HIPK3: variants seen among roughly 807,000 people sequenced by gnomAD.
HIPK3 encodes homeodomain interacting protein kinase 3.
Under a neutral mutation model 124.2 loss-of-function variants are expected in HIPK3, and 47 were observed. The observed-to-expected ratio is 0.38, with a 90% confidence interval of 0.30 to 0.48. The LOEUF is 0.48. HIPK3 is among the 20% of genes least tolerant of loss of function. The pLI is 0.98. For missense variants in HIPK3, 1,286 were observed against 1,454.3 expected (o/e 0.88, Z 1.88); for synonymous variants, 482 against 515.2 (o/e 0.94, Z 0.87).
intron 2 of HIPK3, among the ~76,000 whole-genome samples, chr11:33,316,428 C>A (rs1190731745): frequency 6.6e-6 from 1 of 152,200 alleles, no homozygotes; most frequent in Admixed American, 6.5e-5. Context: ...AAAGAGTCTC[C>A]TTTATGGTAT....
At chr11:33,290,411 T>G (rs896265457) in intron 2 of HIPK3, among the ~76,000 whole-genome samples, 1 of 151,848 alleles carries the variant, frequency 6.6e-6, no homozygotes, top group Admixed American at 6.6e-5. Context: ...AGAATAGTAG[T>G]TTTTGTTTTT....
chr11:33,338,458 T>A (rs1940740705), intron 4 of HIPK3, among the ~76,000 whole-genome samples: 6 of 152,176 alleles, frequency 3.9e-5, no homozygotes. Flanking sequence ...GGTCTCGATC[T>A]CTTGACCTCG....
intron 2 of HIPK3, among the ~76,000 whole-genome samples, chr11:33,294,604 A>AT (rs150040759): frequency 0.22 from 32,673 of 151,376 alleles, 4,136 homozygotes; most frequent in East Asian, 0.37. Flanking sequence ...TGTTTAAACT[A>AT]TTTTTTTTTC....
intron 1 of HIPK3, chr11:33,258,569 C>G: frequency 1.0e-6 from 1 of 985,452 alleles, no homozygotes; most frequent in Non-Finnish European, 1.2e-6. Flanking sequence ...GGGCTGTTGC[C>G]GGCTTCTCTC....
In HIPK3 at chr11:33,328,565, T is replaced by C. The variant is rs764918054; in HGVS notation, c.1153T>C (p.Leu385=). ...TTGTGAAGCCATAGACATGTGGTCATTGGGATGTGTGATTGCAGAATTATT... is the reference window on the plus strand; with the variant it reads ...TTGTGAAGCCATAGACATGTGGTCACTGGGATGTGTGATTGCAGAATTATT... ...PFCEAIDMWS[L]GCVIAELFLG... The change falls in exon 3 of 17, where the codon TTG becomes CTG. Residue 385 remains leucine, a synonymous_variant. Coordinates refer to ENST00000303296, the MANE Select transcript of HIPK3 (RefSeq NM_005734.5). 6.8e-6 allele frequency: 11 copies of C among 1,613,148 alleles called. No homozygotes were observed. Among genetic ancestry groups the C allele is most frequent in the Admixed American group, 6.7e-5 (4 of 59,990 alleles).
At chr11:33,324,220 A>G (rs1482196260) in intron 2 of HIPK3, among the ~76,000 whole-genome samples, 1 of 152,194 alleles carries the variant, frequency 6.6e-6, no homozygotes, top group Non-Finnish European at 1.5e-5. Flanking sequence ...AGACGGATGT[A>G]TTCTTTCAAT....
intron 3 of HIPK3, among the ~76,000 whole-genome samples, chr11:33,332,146 A>C (rs544000030): frequency 3.9e-5 from 6 of 152,344 alleles, no homozygotes; most frequent in South Asian, 4.1e-4. Context: ...TTTGTGTTCT[A>C]GCCCTTTAAT....
chr11:33,266,105 A>G (rs1165216899), intron 1 of HIPK3, among the ~76,000 whole-genome samples: 1 of 150,464 alleles, frequency 6.6e-6, no homozygotes, highest in Non-Finnish European at 1.5e-5. Flanking sequence ...TCTAGTATAT[A>G]TTTGAACGTC....
chr11:33,309,938 T>A (rs1852272547), intron 2 of HIPK3, among the ~76,000 whole-genome samples: 4 of 152,238 alleles, frequency 2.6e-5, no homozygotes. Flanking sequence ...AATTTGTTTT[T>A]TTAAAAAGTA....
At chr11:33,265,500 A>G (rs770340015) in intron 1 of HIPK3, among the ~76,000 whole-genome samples, 13 of 152,184 alleles carry the variant, frequency 8.5e-5, no homozygotes, top group Non-Finnish European at 1.3e-4. Context: ...TTGGCCAGGC[A>G]CGGTGGCTCA....
chr11:33,289,428 G>A (rs1423022150), intron 2 of HIPK3, among the ~76,000 whole-genome samples: 4 of 152,060 alleles, frequency 2.6e-5, no homozygotes, highest in South Asian at 2.1e-4. Flanking sequence ...CTGAGTGACC[G>A]AGTGAGACCC....
chr11:33,328,467 A>G (rs756167571), intron 2 of HIPK3, 43 bp from the exon 3 acceptor site: 2 of 1,594,738 alleles, frequency 1.3e-6, no homozygotes, highest in Non-Finnish European at 8.6e-7. Flanking sequence ...AGGTAATTTT[A>G]GAGAAAAACC....
chr11:33,257,826 C>T lies in HIPK3; in HGVS notation c.-66C>T. 1 of 986,294 alleles carries T rather than the reference C, an allele frequency of 1.0e-6. No individual in the cohort carries two copies. The highest frequency in any genetic ancestry group is 1.2e-6 in the Non-Finnish European group (1 of 830,682). The allele number at this position is 986,294 out of a possible 1,614,324, so 61.1% of individuals were successfully genotyped here. A position where few individuals can be genotyped will look rare whatever the true frequency, so the allele number is the denominator to read the frequency against. On this transcript the variant is annotated 5_prime_UTR_variant, in exon 1 of 17. Coordinates refer to ENST00000303296, the MANE Select transcript of HIPK3 (RefSeq NM_005734.5). ...CCCGGTCCCCGGCACGGCCCTGCGC[C>T]CCACCCCGGACATGCTCAGGGCTGC...
chr11:33,301,186 C>T (rs1167211744), intron 2 of HIPK3, among the ~76,000 whole-genome samples: 1 of 152,066 alleles, frequency 6.6e-6, no homozygotes, highest in Non-Finnish European at 1.5e-5. Context: ...TTTTGGAATA[C>T]ATTTAAAGGA....
chr11:33,345,994 GATTAT>G (rs1262946842), intron 8 of HIPK3, among the ~76,000 whole-genome samples: 1 of 152,042 alleles, frequency 6.6e-6, no homozygotes, highest in African/African-American at 2.4e-5. Context: ...TCCCCAAATT[GATTAT>G]ATTATATTTA....
chr11:33,318,791 T>C (rs1259532613), intron 2 of HIPK3, among the ~76,000 whole-genome samples: 2 of 152,244 alleles, frequency 1.3e-5, no homozygotes, highest in African/African-American at 4.8e-5. Context: ...TATAAGTCAG[T>C]ATTTTCCTGC....
intron 4 of HIPK3, among the ~76,000 whole-genome samples, chr11:33,337,429 C>T (rs1489416613): frequency 6.6e-6 from 1 of 151,814 alleles, no homozygotes; most frequent in East Asian, 1.9e-4. Flanking sequence ...CATCTTGGCT[C>T]ACTGCAACCT....
chr11:33,276,376 G>A (rs1029454461), intron 1 of HIPK3, among the ~76,000 whole-genome samples: 1 of 151,998 alleles, frequency 6.6e-6, no homozygotes, highest in African/African-American at 2.4e-5. Flanking sequence ...TCCTCAATTT[G>A]GATTTGTTTT....
intron 2 of HIPK3, among the ~76,000 whole-genome samples, chr11:33,311,937 T>TAC (rs1161756236): frequency 1.7e-4 from 8 of 46,796 alleles, no homozygotes; most frequent in Non-Finnish European, 2.4e-4. Flanking sequence ...ACACACACAC[T>TAC]ACACACACAC....
Sources: gnomAD v4.1 joint callset for allele counts (sites outside exome capture counted in the v4.1 genomes callset) on GRCh38, gnomAD v4.1.1 for gene constraint, MANE v1.5 for transcripts, NCBI Gene and HGNC (gene_info 2026-07-23, HGNC 2026-07-21) for gene names.